Variants in CD109 observed in about 807,000 individuals in gnomAD.
The protein encoded by CD109 is CD109 antigen.
Under a neutral mutation model 165.8 loss-of-function variants are expected in CD109, and 149 were observed. The ratio of observed to expected loss-of-function variants is 0.90; its 90% confidence interval spans 0.79 to 1.03. The LOEUF (loss-of-function observed/expected upper bound fraction) is 1.03. CD109 is among the 50% of genes least tolerant of loss of function. CD109 has a pLI of 0.00. For synonymous variants in CD109, 585 were observed against 592.1 expected (o/e 0.99, Z 0.18); for missense variants, 1,712 against 1,677.8 (o/e 1.02, Z -0.36).
At chr6:73,784,572 A>G (rs190617715) in intron 19 of CD109, among the ~76,000 whole-genome samples, 27 of 152,272 alleles carry the variant, frequency 1.8e-4, no homozygotes, top group Admixed American at 1.6e-3. Flanking sequence ...AGTCATGGTG[A>G]CAATCTAAGA....
chr6:73,778,295 T>G (rs1309530861), intron 15 of CD109, among the ~76,000 whole-genome samples: 1 of 152,214 alleles, frequency 6.6e-6, no homozygotes, highest in African/African-American at 2.4e-5. Context: ...ACTTTTGGGC[T>G]GAGACTATGG....
intron 15 of CD109, among the ~76,000 whole-genome samples, chr6:73,780,065 A>G (rs1774421143): frequency 1.5e-5 from 2 of 136,894 alleles, no homozygotes; most frequent in South Asian, 4.6e-4. Flanking sequence ...TGCAGAGTTT[A>G]TATTAATCTC....
chr6:73,718,896 A>T (rs1771842023), intron 2 of CD109, among the ~76,000 whole-genome samples: 1 of 152,198 alleles, frequency 6.6e-6, no homozygotes, highest in Non-Finnish European at 1.5e-5. Flanking sequence ...GTTGCTAAAC[A>T]CAAATTTAAG....
At chr6:73,757,482 T>G (rs557277045) in intron 6 of CD109, among the ~76,000 whole-genome samples, 1 of 152,348 alleles carries the variant, frequency 6.6e-6, no homozygotes, top group East Asian at 1.9e-4. Flanking sequence ...TGAAATATTC[T>G]TCTTCTTTTG....
chr6:73,769,193 A>G (rs770259255), intron 14 of CD109, among the ~76,000 whole-genome samples: 2 of 152,098 alleles, frequency 1.3e-5, no homozygotes, highest in South Asian at 4.1e-4. Flanking sequence ...CCAGGCCTGT[A>G]CTTTAGTTTT....
chr6:73,769,616 C>T (rs1773968067), intron 14 of CD109, among the ~76,000 whole-genome samples: 1 of 152,146 alleles, frequency 6.6e-6, no homozygotes, highest in Admixed American at 6.5e-5. Flanking sequence ...TGGAATATGT[C>T]TAAGCAAGAG....
intron 9 of CD109, among the ~76,000 whole-genome samples, chr6:73,763,366 G>T (rs978852502): frequency 3.3e-5 from 5 of 152,198 alleles, no homozygotes; most frequent in African/African-American, 1.2e-4. Context: ...CACTGCGGTA[G>T]AATGGCAGCA....
At chr6:73,696,849 G>T (rs1770859186) in intron 1 of CD109, among the ~76,000 whole-genome samples, 1 of 152,062 alleles carries the variant, frequency 6.6e-6, no homozygotes, top group Non-Finnish European at 1.5e-5. Context: ...TTTATGATTC[G>T]CTATACCTGG....
chr6:73,697,969 C>T (rs528481109), intron 2 of CD109, among the ~76,000 whole-genome samples: 1 of 152,214 alleles, frequency 6.6e-6, no homozygotes, highest in Admixed American at 6.5e-5. Flanking sequence ...CTAATGTGTG[C>T]CCCAGAAGAG....
At chr6:73,782,889 G>C in intron 18 of CD109, 134 bp downstream of exon 18, 2 of 705,694 alleles carry the variant, frequency 2.8e-6, no homozygotes, top group South Asian at 6.2e-5. Context: ...GGATTTTTTA[G>C]GAAATGATAT....
chr6:73,751,836 T>A (rs973392766), intron 5 of CD109, among the ~76,000 whole-genome samples: 5 of 152,216 alleles, frequency 3.3e-5, no homozygotes, highest in African/African-American at 1.2e-4. Context: ...CCTTCTAGTT[T>A]TATTTTTATC....
intron 3 of CD109, among the ~76,000 whole-genome samples, chr6:73,723,638 G>A (rs569220943): frequency 2.9e-4 from 44 of 152,214 alleles, no homozygotes; most frequent in African/African-American, 1.0e-3. Flanking sequence ...AACTAAAATA[G>A]GAACAGAAAA....
intron 22 of CD109, 100 bp from the exon 23 acceptor site, chr6:73,792,526 A>C (rs889512224): frequency 1.0e-6 from 1 of 982,968 alleles, no homozygotes; most frequent in Non-Finnish European, 1.6e-6. Context: ...ATATTGCTTC[A>C]ATGACAGAGG....
At chr6:73,688,082 G>A in the CD109 span, among the ~76,000 whole-genome samples, 6 of 152,138 alleles carry the variant, frequency 3.9e-5, no homozygotes, top group African/African-American at 1.4e-4. Flanking sequence ...TCAAAATATA[G>A]TAATTAAAAT....
At chr6:73,758,434 G>A (rs1487184872) in intron 6 of CD109, among the ~76,000 whole-genome samples, 1 of 152,118 alleles carries the variant, frequency 6.6e-6, no homozygotes, top group Non-Finnish European at 1.5e-5. Flanking sequence ...CACTCAGGCT[G>A]GAGTGCAGTG....
At chr6:73,775,752 A>G (rs959831400) in intron 15 of CD109, among the ~76,000 whole-genome samples, 1 of 152,102 alleles carries the variant, frequency 6.6e-6, no homozygotes. Context: ...ACTCCCACTT[A>G]TAAGTGAGAA....
At chr6:73,696,853 T>A (rs1165078678) in intron 1 of CD109, among the ~76,000 whole-genome samples, 1 of 152,228 alleles carries the variant, frequency 6.6e-6, no homozygotes, top group Non-Finnish European at 1.5e-5. Flanking sequence ...TGATTCGCTA[T>A]ACCTGGAATT....
intron 10 of CD109, among the ~76,000 whole-genome samples, chr6:73,764,358 T>G (rs1438520205): frequency 6.6e-6 from 1 of 152,242 alleles, no homozygotes; most frequent in Non-Finnish European, 1.5e-5. Context: ...TGTGGCCATG[T>G]GGTCTTTGTC....
intron 7 of CD109, among the ~76,000 whole-genome samples, chr6:73,759,763 A>G (rs550346497): frequency 6.6e-6 from 1 of 152,162 alleles, no homozygotes; most frequent in African/African-American, 2.4e-5. Flanking sequence ...CTTTTATTTA[A>G]TCTTTAGCAC....
Sources: gnomAD v4.1 joint callset for allele counts (sites outside exome capture counted in the v4.1 genomes callset) on GRCh38, gnomAD v4.1.1 for gene constraint, MANE v1.5 for transcripts, NCBI Gene and HGNC (gene_info 2026-07-23, HGNC 2026-07-21) for gene names.